The following DLG2 variants were observed in gnomAD, a reference collection of about 807,000 sequenced individuals.
DLG2 encodes the protein discs large MAGUK scaffold protein 2.
DLG2 carries 45 observed loss-of-function variants against 132.5 expected under a neutral mutation model. The ratio of observed to expected loss-of-function variants is 0.34; its 90% confidence interval spans 0.27 to 0.44. The LOEUF is 0.44. Among genes scored for constraint, DLG2 ranks in the 20% least tolerant of loss-of-function variants. The pLI is 1.00. For synonymous variants in DLG2, 424 were observed against 419.6 expected (o/e 1.01, Z -0.13); for missense variants, 1,045 against 1,196.9 (o/e 0.87, Z 1.87).
intron 7 of DLG2, among the ~76,000 whole-genome samples, chr11:84,295,427 C>T (rs957874806): frequency 4.6e-5 from 7 of 152,130 alleles, no homozygotes; most frequent in African/African-American, 1.7e-4. Flanking sequence ...ATCCAGGCTG[C>T]CACTTTTTTC....
chr11:84,158,968 A>G (rs896874159), intron 9 of DLG2, among the ~76,000 whole-genome samples: 1 of 152,218 alleles, frequency 6.6e-6, no homozygotes, highest in Non-Finnish European at 1.5e-5. Context: ...GGTAATTATA[A>G]ACAGTTTAGC....
At chr11:84,411,912 A>G (rs1048061895) in intron 7 of DLG2, among the ~76,000 whole-genome samples, 3 of 151,532 alleles carry the variant, frequency 2.0e-5, no homozygotes, top group Non-Finnish European at 2.9e-5. Flanking sequence ...TTTCTAGCTG[A>G]GTTATTCTTT....
At chr11:83,542,212 T>C (rs2096091546) in intron 19 of DLG2, among the ~76,000 whole-genome samples, 1 of 152,172 alleles carries the variant, frequency 6.6e-6, no homozygotes, top group Admixed American at 6.6e-5. Context: ...TTTTTAAAAT[T>C]ACTAAAAAAA....
intron 8 of DLG2, among the ~76,000 whole-genome samples, chr11:84,196,793 C>A (rs142200485): frequency 2.0e-5 from 3 of 151,954 alleles, no homozygotes; most frequent in Non-Finnish European, 4.4e-5. Context: ...GCAATCCCAG[C>A]ACTTTGGGAG....
chr11:84,300,144 T>C (rs895016837), intron 7 of DLG2, among the ~76,000 whole-genome samples: 2 of 152,188 alleles, frequency 1.3e-5, no homozygotes, highest in Admixed American at 1.3e-4. Flanking sequence ...GTAAACATAC[T>C]AAAATAGGAA....
At chr11:83,770,938 G>T (rs951215734) in intron 18 of DLG2, among the ~76,000 whole-genome samples, 1 of 152,036 alleles carries the variant, frequency 6.6e-6, no homozygotes, top group African/African-American at 2.4e-5. Context: ...TATTAAAAAC[G>T]TTTTCTCTTG....
chr11:84,834,973 T>C (rs2079545178), intron 6 of DLG2, among the ~76,000 whole-genome samples: 1 of 151,638 alleles, frequency 6.6e-6, no homozygotes, highest in South Asian at 2.1e-4. Context: ...TTCCTAATAA[T>C]AAGACTTCTC....
intron 5 of DLG2, among the ~76,000 whole-genome samples, chr11:85,134,395 G>A (rs1191265949): frequency 4.0e-5 from 6 of 149,272 alleles, no homozygotes; most frequent in Non-Finnish European, 6.0e-5. Context: ...CGGGCGTAGT[G>A]GCGGGCGCCT....
chr11:84,702,894 A>C (rs1375801896), intron 6 of DLG2, among the ~76,000 whole-genome samples: 1 of 151,690 alleles, frequency 6.6e-6, no homozygotes, highest in East Asian at 1.9e-4. Context: ...AAAGATCTAT[A>C]AATACTTGTT....
intron 6 of DLG2, among the ~76,000 whole-genome samples, chr11:84,963,022 T>C (rs925813440): frequency 3.9e-5 from 6 of 152,320 alleles, no homozygotes; most frequent in Admixed American, 1.3e-4. Flanking sequence ...ATATTCTCTA[T>C]AGTAAATTGC....
intron 18 of DLG2, among the ~76,000 whole-genome samples, chr11:83,635,101 T>C (rs7113398): frequency 0.05 from 7,640 of 152,212 alleles, 675 homozygotes; most frequent in African/African-American, 0.17. Flanking sequence ...GCAGGCCAGG[T>C]GTGGTGACAC....
chr11:84,826,919 T>C (rs1015742632), intron 6 of DLG2, among the ~76,000 whole-genome samples: 1 of 151,876 alleles, frequency 6.6e-6, no homozygotes, highest in African/African-American at 2.4e-5. Context: ...AGTCTAAGCC[T>C]GGATGTTCAG....
intron 7 of DLG2, among the ~76,000 whole-genome samples, chr11:84,458,731 T>C (rs536736013): frequency 4.6e-5 from 7 of 150,888 alleles, no homozygotes; most frequent in Non-Finnish European, 1.0e-4. Context: ...CTGTTGCATT[T>C]ACGATTAGAA....
At chr11:84,836,705 A>C (rs921785668) in intron 6 of DLG2, among the ~76,000 whole-genome samples, 1 of 151,874 alleles carries the variant, frequency 6.6e-6, no homozygotes, top group Admixed American at 6.6e-5. Context: ...ATTGCAATAT[A>C]AGAAATCTTT....
At chr11:83,578,791 G>A (rs1006537422) in intron 19 of DLG2, among the ~76,000 whole-genome samples, 2 of 152,142 alleles carry the variant, frequency 1.3e-5, no homozygotes, top group Admixed American at 1.3e-4. Flanking sequence ...AGCATTTATA[G>A]ACTACCCATC....
intron 6 of DLG2, among the ~76,000 whole-genome samples, chr11:85,061,094 G>T (rs545545008): frequency 6.6e-6 from 1 of 151,376 alleles, no homozygotes; most frequent in Non-Finnish European, 1.5e-5. Flanking sequence ...TTGCTTTTGA[G>T]TTATAGAAGT....
intron 7 of DLG2, among the ~76,000 whole-genome samples, chr11:84,306,799 G>A (rs917585525): frequency 5.3e-5 from 8 of 152,152 alleles, no homozygotes; most frequent in Non-Finnish European, 8.8e-5. Context: ...CTTCTGAAGT[G>A]CTTTCTCACC....
At chr11:85,213,818 G>A (rs185638870) in intron 4 of DLG2, among the ~76,000 whole-genome samples, 2 of 152,150 alleles carry the variant, frequency 1.3e-5, no homozygotes, top group Admixed American at 6.5e-5. Flanking sequence ...GGTGGCTGGG[G>A]GACTTAGAAT....
intron 7 of DLG2, among the ~76,000 whole-genome samples, chr11:84,309,921 C>T (rs572993222): frequency 6.6e-6 from 1 of 152,214 alleles, no homozygotes; most frequent in African/African-American, 2.4e-5. Flanking sequence ...ATTCAATTTA[C>T]AAGTTACACA....
Sources: gnomAD v4.1 joint callset for allele counts (sites outside exome capture counted in the v4.1 genomes callset) on GRCh38, gnomAD v4.1.1 for gene constraint, MANE v1.5 for transcripts, NCBI Gene and HGNC (gene_info 2026-07-23, HGNC 2026-07-21) for gene names.